Variants in HBS1L observed in about 807,000 individuals in gnomAD.
HBS1L encodes the protein HBS1 like translational GTPase.
A neutral mutation model predicts 88.9 loss-of-function variants in HBS1L; 55 were observed. That is an observed-to-expected ratio of 0.62 (90% confidence interval 0.50 to 0.77). The LOEUF (loss-of-function observed/expected upper bound fraction) is 0.77. Ranked by LOEUF, HBS1L falls within the 30% of genes least tolerant of loss-of-function variation. HBS1L has a pLI of 0.00. For missense variants in HBS1L, 741 were observed against 829.3 expected, an observed-to-expected ratio of 0.89 and a Z score of 1.31; for synonymous variants, 267 against 288.5, an observed-to-expected ratio of 0.93 and a Z score of 0.76.
intron 16 of HBS1L, among the ~76,000 whole-genome samples, chr6:134,966,988 A>C (rs1369027150): frequency 6.6e-6 from 1 of 152,216 alleles, no homozygotes; most frequent in Non-Finnish European, 1.5e-5. Flanking sequence ...CCCCTCAATC[A>C]ATCAAGCAAT....
Position 134,982,510 on chromosome 6 carries a change from T to G in HBS1L, c.1545A>C (p.Gln515His), listed in dbSNP as rs780386408. The change falls in exon 13 of 18, where the codon CAA becomes CAC. Residue 515 changes from glutamine to histidine, a missense_variant. Coordinates refer to ENST00000367837, the MANE Select transcript of HBS1L (RefSeq NM_006620.4). ...GCATTGCCAGTAGTCGGTCACCAGTTTGGATATAACCAGCTTCTATTTTAC... is the reference window on the plus strand; with the variant it reads ...GCATTGCCAGTAGTCGGTCACCAGTGTGGATATAACCAGCTTCTATTTTAC... Reference protein sequence around the residue: ...ITGKIEAGYIQTGDRLLAMPP... With the variant: ...ITGKIEAGYIHTGDRLLAMPP... 6.2e-7 allele frequency: 1 copy of G among 1,611,992 alleles called. No homozygotes were observed. Among genetic ancestry groups the G allele is most frequent in the Non-Finnish European group, 8.5e-7 (1 of 1,178,570 alleles).
At chr6:134,969,407 A>G (rs1318417407) in intron 15 of HBS1L, 69 bp from the exon 16 acceptor site, 5 of 930,968 alleles carry the variant, frequency 5.4e-6, no homozygotes, top group Non-Finnish European at 8.7e-6. Context: ...TTTGGCACTT[A>G]TACTTAATTA....
chr6:134,990,431 C>T (rs1352135348), intron 8 of HBS1L, among the ~76,000 whole-genome samples: 2 of 152,168 alleles, frequency 1.3e-5, no homozygotes, highest in Non-Finnish European at 2.9e-5. Context: ...TTCCTTGTGT[C>T]CCCAAAGCCC....
intron 4 of HBS1L, among the ~76,000 whole-genome samples, chr6:135,039,317 CAAAAAACAAACA>C (rs563528428): frequency 0.018 from 2,760 of 151,726 alleles, 37 homozygotes; most frequent in Non-Finnish European, 0.028. Context: ...GACTCTGTCT[CAAAAAACAAACA>C]AAAAAACAAA....
chr6:135,030,466 G>A (rs1282179128), intron 4 of HBS1L, among the ~76,000 whole-genome samples: 2 of 152,124 alleles, frequency 1.3e-5, no homozygotes, highest in Non-Finnish European at 2.9e-5. Context: ...TTCTTGGGTA[G>A]GTCTGGGTAA....
intron 17 of HBS1L, among the ~76,000 whole-genome samples, chr6:134,965,989 T>C (rs762572782): frequency 7.2e-5 from 11 of 152,190 alleles, no homozygotes; most frequent in Non-Finnish European, 1.5e-4. Context: ...ATAAGATTCA[T>C]ATTAATTATG....
chr6:134,993,477 A>C (rs980100622), intron 8 of HBS1L, among the ~76,000 whole-genome samples: 4 of 152,150 alleles, frequency 2.6e-5, no homozygotes, highest in Admixed American at 2.0e-4. Context: ...GGAAATATGA[A>C]GCTATACTCA....
At chr6:135,031,302 T>G (rs887390978) in intron 4 of HBS1L, among the ~76,000 whole-genome samples, 1 of 152,016 alleles carries the variant, frequency 6.6e-6, no homozygotes, top group Non-Finnish European at 1.5e-5. Context: ...TATGAGAGGC[T>G]CACAGGAACC....
intron 11 of HBS1L, 138 bp downstream of exon 11, chr6:134,985,928 G>A (rs1357249152): frequency 5.0e-6 from 3 of 600,138 alleles, no homozygotes; most frequent in South Asian, 4.2e-5. Context: ...TGCACATGAT[G>A]ACAAAACAGG....
chr6:134,997,321 G>A lies in HBS1L; in HGVS notation c.799+76C>T, dbSNP rs1373081777. 4 of 1,557,684 alleles carry A rather than the reference G, an allele frequency of 2.6e-6. No homozygotes were observed. In the African/African-American group the frequency reaches 5.4e-5, roughly 21 times the overall value. On this transcript the variant is annotated intron_variant, in intron 6 of 17. Coordinates refer to ENST00000367837, the MANE Select transcript of HBS1L (RefSeq NM_006620.4). ...CATTCCACCCATGGAGAAACTCAGA[G>A]TTTCCATGCTGCCTCCAGACAGTGG...
In HBS1L at chr6:134,964,961, G is replaced by T; in HGVS notation, c.*318C>A. Reference sequence around the variant, plus strand: ...ATACATTGTGCTTTGGCCAGAAGTAGAGTTCATTTCATGATGATTCAGTAT... The same window carrying T: ...ATACATTGTGCTTTGGCCAGAAGTATAGTTCATTTCATGATGATTCAGTAT... On this transcript the variant is annotated 3_prime_UTR_variant, in exon 18 of 18. Coordinates refer to ENST00000367837, the MANE Select transcript of HBS1L (RefSeq NM_006620.4). The T allele has an allele frequency of 2.7e-6, 1 of 369,936 alleles. No individual in the cohort carries two copies. The highest frequency in any genetic ancestry group is 4.9e-6 in the Non-Finnish European group (1 of 203,698). The allele number at this position is 369,936 out of a possible 1,614,324, so 22.9% of individuals were successfully genotyped here. A position where few individuals can be genotyped will look rare whatever the true frequency, so the allele number is the denominator to read the frequency against.
At chr6:135,050,366 C>A (rs899231068) in intron 2 of HBS1L, among the ~76,000 whole-genome samples, 1 of 152,156 alleles carries the variant, frequency 6.6e-6, no homozygotes, top group Admixed American at 6.5e-5. Flanking sequence ...AAGCCACAGT[C>A]TTTTTCACAT....
intron 1 of HBS1L, among the ~76,000 whole-genome samples, chr6:135,052,385 G>C (rs1357512971): frequency 2.6e-5 from 4 of 151,922 alleles, no homozygotes; most frequent in Non-Finnish European, 5.9e-5. Flanking sequence ...TCTCGCTTGG[G>C]CAACACAGCC....
chr6:135,020,918 T>C (rs76146891), intron 4 of HBS1L, among the ~76,000 whole-genome samples: 17,590 of 151,838 alleles, frequency 0.12, 1,440 homozygotes, highest in East Asian at 0.27. Context: ...TTGCACATGA[T>C]TAAGTTAAAA....
At chr6:135,051,223 CAAAAAGAAAA>C (rs1253623520) in intron 1 of HBS1L, among the ~76,000 whole-genome samples, 2 of 148,312 alleles carry the variant, frequency 1.3e-5, no homozygotes, top group African/African-American at 2.5e-5. Flanking sequence ...GACTCCGTCT[CAAAAAGAAAA>C]AAAAAGAAAA....
chr6:135,048,194 G>C (rs1296067969), intron 2 of HBS1L, among the ~76,000 whole-genome samples: 1 of 152,148 alleles, frequency 6.6e-6, no homozygotes, highest in Non-Finnish European at 1.5e-5. Flanking sequence ...CTTTCCTTTT[G>C]CTTCTTGTTC....
chr6:135,020,424 CAACCTAT>C (rs933585292), intron 4 of HBS1L, among the ~76,000 whole-genome samples: 5 of 151,802 alleles, frequency 3.3e-5, no homozygotes, highest in Non-Finnish European at 7.4e-5. Flanking sequence ...TTGGCAATGC[CAACCTAT>C]AACAGCATGT....
chr6:135,036,364 A>G, intron 4 of HBS1L: 1 of 1,262,426 alleles, frequency 7.9e-7, no homozygotes, highest in Non-Finnish European at 9.9e-7. Context: ...ACCAACTTAA[A>G]TAAAGCCAGT....
chr6:135,010,939 GAATT>G (rs1189762725), intron 4 of HBS1L, among the ~76,000 whole-genome samples: 4 of 152,010 alleles, frequency 2.6e-5, no homozygotes, highest in African/African-American at 9.7e-5. Flanking sequence ...GAATTAACAG[GAATT>G]AAGTATATGG....
Sources: allele counts gnomAD v4.1 joint callset (sites outside exome capture counted in the v4.1 genomes callset), GRCh38; gene constraint gnomAD v4.1.1; transcripts MANE v1.5; gene names NCBI Gene and HGNC (gene_info 2026-07-23, HGNC 2026-07-21).